STARD8: variants seen among roughly 807,000 people sequenced by gnomAD.
STARD8 encodes the protein StAR related lipid transfer domain containing 8.
STARD8 carries 25 observed loss-of-function variants against 69.4 expected under a neutral mutation model. The ratio of observed to expected loss-of-function variants is 0.36; its 90% CI spans 0.26 to 0.50. The LOEUF (loss-of-function observed/expected upper bound fraction) is 0.50. Among genes scored for constraint, STARD8 ranks in the 20% least tolerant of loss-of-function variants. STARD8 has a pLI of 0.96. For missense variants in STARD8, 921 were observed against 932.5 expected, an observed-to-expected ratio of 0.99 and a Z score of 0.16; for synonymous variants, 389 against 374.6, an observed-to-expected ratio of 1.04 and a Z score of -0.45.
intron 2 of STARD8, among the ~76,000 whole-genome samples, chrX:68,675,146 C>T (rs188934993): frequency 1.3e-3 from 141 of 110,036 alleles, no homozygotes; most frequent in African/African-American, 4.2e-3. Context: ...TTAGTTGAGA[C>T]GGGGTTTCAC....
At chrX:68,719,421 A>C (rs767360297) in intron 7 of STARD8, 23 bp downstream of exon 7, 16 of 1,137,171 alleles carry the variant, frequency 1.4e-5, no homozygotes, top group Non-Finnish European at 1.9e-5. Context: ...TGGGCCATGG[A>C]GGGTGGGGAA....
chrX:68,661,950 CTCT>C (rs1569353690), intron 1 of STARD8, among the ~76,000 whole-genome samples: 51 of 71,086 alleles, frequency 7.2e-4, no homozygotes, highest in African/African-American at 4.1e-3. Flanking sequence ...TCCTTCCTCT[CTCT>C]CTCTCTCTCT....
At chrX:68,663,556 A>G (rs2079663660) in intron 1 of STARD8, among the ~76,000 whole-genome samples, 1 of 111,972 alleles carries the variant, frequency 8.9e-6, no homozygotes, top group Non-Finnish European at 1.9e-5. Context: ...TGTTAAAACT[A>G]TGATGGGTTA....
At chrX:68,667,435 T>C (rs2079690589) in intron 2 of STARD8, among the ~76,000 whole-genome samples, 1 of 112,128 alleles carries the variant, frequency 8.9e-6, no homozygotes. Flanking sequence ...TGAACAAATG[T>C]GATTGTTTCT....
intron 2 of STARD8, among the ~76,000 whole-genome samples, chrX:68,705,275 C>T (rs1045410423): frequency 1.8e-5 from 2 of 111,866 alleles, no homozygotes; most frequent in African/African-American, 6.5e-5. Context: ...TCCTGCCATA[C>T]CAAGCTCAAG....
chrX:68,714,678 G>A (rs992659351), intron 3 of STARD8, among the ~76,000 whole-genome samples: 4 of 112,548 alleles, frequency 3.6e-5, no homozygotes, highest in African/African-American at 1.3e-4. Context: ...TTGCTCAAGT[G>A]TCTGGCACAA....
intron 1 of STARD8, among the ~76,000 whole-genome samples, chrX:68,664,107 T>C (rs2079667811): frequency 8.9e-6 from 1 of 111,910 alleles, no homozygotes; most frequent in Non-Finnish European, 1.9e-5. Flanking sequence ...AGACACATAC[T>C]ATGGCAACTA....
intron 2 of STARD8, among the ~76,000 whole-genome samples, chrX:68,683,579 G>A (rs1163481680): frequency 8.9e-6 from 1 of 111,807 alleles, no homozygotes; most frequent in Non-Finnish European, 1.9e-5. Flanking sequence ...TTCCTGGAGT[G>A]TACATTTTCC....
rs770656449 is a variant in STARD8, at chrX:68,724,125, T to C, written c.3194+4T>C. ...ACATCTGCCGGGCTGACCTCAGGTA[T>C]CAGGCCTGGGACAGCCTGCTCGACC... On this transcript the variant is annotated splice_donor_region_variant and intron_variant, in intron 14 of 14. Transcript: ENST00000374599. The C allele has an allele frequency of 3.1e-5, 37 of 1,207,124 alleles. No individual in the cohort carries two copies. The highest frequency in any genetic ancestry group is 1.1e-4 in the Admixed American group (5 of 45,793).
intron 2 of STARD8, among the ~76,000 whole-genome samples, chrX:68,706,839 C>T (rs903290615): frequency 1.8e-5 from 2 of 113,192 alleles, no homozygotes; most frequent in African/African-American, 3.2e-5. Context: ...AAGAGGGGTC[C>T]CTCTCTAGGG....
chrX:68,652,760 C>A (rs1432069431), intron 1 of STARD8, among the ~76,000 whole-genome samples: 2 of 71,386 alleles, frequency 2.8e-5, no homozygotes, highest in East Asian at 9.6e-4. Context: ...CACCACACTC[C>A]CCCACACACA....
At chrX:68,684,608 G>A (rs1234555237) in intron 2 of STARD8, among the ~76,000 whole-genome samples, 3 of 112,617 alleles carry the variant, frequency 2.7e-5, no homozygotes, top group African/African-American at 6.4e-5. Context: ...GGGACTACTC[G>A]AAACTCAGGA....
chrX:68,655,002 G>A (rs1245788981), intron 1 of STARD8, among the ~76,000 whole-genome samples: 1 of 112,274 alleles, frequency 8.9e-6, no homozygotes, highest in Non-Finnish European at 1.9e-5. Context: ...TGTATTTGTT[G>A]TGGAAGGGGC....
At chrX:68,721,844 G>A in intron 10 of STARD8, 98 bp downstream of exon 10, 1 of 928,655 alleles carries the variant, frequency 1.1e-6, no homozygotes, top group Non-Finnish European at 1.5e-6. Context: ...CTGTGTCTCA[G>A]CCTCACCACA....
chrX:68,686,092 A>G (rs1219109610), intron 2 of STARD8, among the ~76,000 whole-genome samples: 2 of 111,983 alleles, frequency 1.8e-5, no homozygotes, highest in Admixed American at 1.9e-4. Flanking sequence ...AAGGAGAGGA[A>G]TCAGTGGAGG....
At chrX:68,713,033 G>A (rs751129494) in intron 3 of STARD8, 48 bp downstream of exon 3, 2 of 1,124,991 alleles carry the variant, frequency 1.8e-6, no homozygotes, top group South Asian at 1.9e-5. Flanking sequence ...CTAGCCCTCA[G>A]TTTTTCATCT....
At chrX:68,653,317 A>G (rs1602536193) in intron 1 of STARD8, among the ~76,000 whole-genome samples, 1 of 44,309 alleles carries the variant, frequency 2.3e-5, no homozygotes, top group Non-Finnish European at 4.2e-5. Flanking sequence ...CACACCACAC[A>G]CCACACACAC....
At chrX:68,719,659 C>G (rs1194878489) in intron 7 of STARD8, among the ~76,000 whole-genome samples, 6 of 112,435 alleles carry the variant, frequency 5.3e-5, no homozygotes, top group African/African-American at 1.9e-4. Flanking sequence ...GGTTGTCACT[C>G]TCCAGATAAA....
chrX:68,718,344 T>C lies in STARD8; in HGVS notation c.1430T>C (p.Val477Ala), dbSNP rs1306458948. Residue 477 changes from valine (V) to alanine (A), a missense_variant, in exon 6 of 15, where the codon GTG becomes GCG. Coordinates refer to ENST00000374599, the MANE Select transcript of STARD8 (RefSeq NM_001142503.3). ...PAQAPAEAEP[V>A]AQEEAEAPAP... is the part of the protein sequence containing the mutation. The stretch of plus-strand genomic sequence containing the variant: ...CAGGCTCCAGCTGAGGCTGAACCAG[T>C]GGCACAGGAAGAGGCTGAGGCCCCG... The C allele has an allele frequency of 8.3e-7, 1 of 1,208,373 alleles. No homozygotes were observed. The highest frequency in any genetic ancestry group is 2.2e-5 in the Admixed American group (1 of 45,930).
Sources: gnomAD v4.1 joint callset for allele counts (sites outside exome capture counted in the v4.1 genomes callset) on GRCh38, gnomAD v4.1.1 for gene constraint, MANE v1.5 for transcripts, NCBI Gene and HGNC (gene_info 2026-07-23, HGNC 2026-07-21) for gene names.